The following SEMA3D variants were observed in gnomAD, a reference collection of about 807,000 sequenced individuals.
The protein encoded by SEMA3D is semaphorin 3D, also known as semaphorin-3D.
A neutral mutation model predicts 100.1 loss-of-function variants in SEMA3D; 84 were observed. That is an observed-to-expected ratio of 0.84 (90% confidence interval 0.70 to 1.01). The LOEUF (loss-of-function observed/expected upper bound fraction) is 1.01, where lower values mean the gene tolerates loss of function less well. Among genes scored for constraint, SEMA3D ranks in the 50% least tolerant of loss-of-function variants. SEMA3D has a pLI of 0.00. For synonymous variants in SEMA3D, 312 were observed against 320.7 expected (o/e 0.97, Z 0.29); for missense variants, 875 against 934.1 (o/e 0.94, Z 0.82).
At chr7:85,163,523 C>T (rs770819901) in intron 1 of SEMA3D, among the ~76,000 whole-genome samples, 4 of 151,916 alleles carry the variant, frequency 2.6e-5, no homozygotes, top group Non-Finnish European at 5.9e-5. Context: ...AATCAACTCT[C>T]CAACAGAAAG....
chr7:85,243,957 G>A, the SEMA3D span, among the ~76,000 whole-genome samples: 1 of 152,240 alleles, frequency 6.6e-6, no homozygotes, highest in Non-Finnish European at 1.5e-5. Context: ...GGTATGTTAT[G>A]GGGATGTGAT....
At chr7:85,140,366 C>T (rs1790011693) in intron 2 of SEMA3D, 1 of 975,496 alleles carries the variant, frequency 1.0e-6, no homozygotes, top group Non-Finnish European at 1.2e-6. Context: ...TACATCCAGC[C>T]AGTAGATGTT....
chr7:85,188,853 G>A (rs2116599769), upstream of SEMA3D, among the ~76,000 whole-genome samples: 1 of 152,188 alleles, frequency 6.6e-6, no homozygotes, highest in Middle Eastern at 3.4e-3. Flanking sequence ...TTTTCCCAAA[G>A]CACTTTGATT....
chr7:85,011,922 T>G (rs901922508), intron 17 of SEMA3D, among the ~76,000 whole-genome samples: 6 of 151,740 alleles, frequency 4.0e-5, no homozygotes, highest in Non-Finnish European at 8.8e-5. Flanking sequence ...ATAAATGTGT[T>G]CTTCTTCCAC....
At chr7:85,160,098 T>C in intron 1 of SEMA3D, 2 of 907,094 alleles carry the variant, frequency 2.2e-6, no homozygotes, top group South Asian at 1.0e-4. Context: ...CAATTCCACT[T>C]TGATAAAATT....
At chr7:85,203,450 A>G in the SEMA3D span, among the ~76,000 whole-genome samples, 1 of 152,178 alleles carries the variant, frequency 6.6e-6, no homozygotes, top group African/African-American at 2.4e-5. Flanking sequence ...ATGCAACCGA[A>G]CATTGTGCAG....
chr7:85,098,730 T>C (rs1157155321), intron 3 of SEMA3D, among the ~76,000 whole-genome samples: 3 of 151,892 alleles, frequency 2.0e-5, no homozygotes, highest in Non-Finnish European at 4.4e-5. Context: ...GTGTTGTATA[T>C]TTTATATATT....
intron 1 of SEMA3D, among the ~76,000 whole-genome samples, chr7:85,181,252 C>T (rs963431392): frequency 5.3e-5 from 8 of 151,780 alleles, no homozygotes; most frequent in African/African-American, 1.5e-4. Context: ...AGAAATGGCT[C>T]ATTCCAGGAC....
At chr7:85,249,025 T>G in the SEMA3D span, among the ~76,000 whole-genome samples, 1 of 152,160 alleles carries the variant, frequency 6.6e-6, no homozygotes, top group African/African-American at 2.4e-5. Flanking sequence ...TTGTAACAAA[T>G]GTACCACTCT....
chr7:85,111,106 G>A (rs188470052), intron 3 of SEMA3D, among the ~76,000 whole-genome samples: 1 of 151,986 alleles, frequency 6.6e-6, no homozygotes, highest in East Asian at 1.9e-4. Flanking sequence ...TTCCTTTTCA[G>A]TTCACTTTGC....
At chr7:85,222,564 G>A in the SEMA3D span, among the ~76,000 whole-genome samples, 14 of 152,064 alleles carry the variant, frequency 9.2e-5, no homozygotes, top group African/African-American at 3.1e-4. Flanking sequence ...AGTATGGCCA[G>A]AATTAATTGA....
At chr7:85,167,652 TA>T (rs990675471) in intron 1 of SEMA3D, among the ~76,000 whole-genome samples, 11 of 151,638 alleles carry the variant, frequency 7.3e-5, no homozygotes, top group African/African-American at 2.7e-4. Context: ...ATCCCCAGTT[TA>T]AAAAAAATAC....
At chr7:85,237,223 T>C in the SEMA3D span, among the ~76,000 whole-genome samples, 1 of 152,222 alleles carries the variant, frequency 6.6e-6, no homozygotes, top group Non-Finnish European at 1.5e-5. Flanking sequence ...CACCACAACC[T>C]TCCTCACTAT....
the SEMA3D span, among the ~76,000 whole-genome samples, chr7:85,243,131 C>T: frequency 1.3e-5 from 2 of 152,104 alleles, no homozygotes; most frequent in Non-Finnish European, 2.9e-5. Context: ...TTTCCTTTCT[C>T]CTAAGTAAGT....
the SEMA3D span, among the ~76,000 whole-genome samples, chr7:85,229,436 C>A: frequency 1.3e-5 from 2 of 151,862 alleles, no homozygotes; most frequent in Admixed American, 6.6e-5. Flanking sequence ...TCAATAAGAG[C>A]ATTTCATGAA....
the SEMA3D span, among the ~76,000 whole-genome samples, chr7:85,248,527 T>C: frequency 6.6e-5 from 10 of 152,184 alleles, no homozygotes; most frequent in Non-Finnish European, 1.3e-4. Context: ...TGCACATAGA[T>C]GTTTATAACA....
intron 9 of SEMA3D, among the ~76,000 whole-genome samples, 182 bp from the exon 10 acceptor site, chr7:85,042,467 T>C (rs1418118560): frequency 1.3e-5 from 2 of 152,110 alleles, no homozygotes; most frequent in East Asian, 3.9e-4. Flanking sequence ...CAATATTAAA[T>C]GTTTTTCTCA....
intron 2 of SEMA3D, among the ~76,000 whole-genome samples, chr7:85,144,930 G>A (rs1790160174): frequency 6.6e-6 from 1 of 152,144 alleles, no homozygotes; most frequent in South Asian, 2.1e-4. Context: ...AAATCCTGGA[G>A]CAGCTGGATG....
chr7:85,003,133 A>C (rs1789698787), intron 18 of SEMA3D, among the ~76,000 whole-genome samples: 1 of 152,158 alleles, frequency 6.6e-6, no homozygotes, highest in Admixed American at 6.5e-5. Flanking sequence ...TAGACTGAAA[A>C]GTTTTCTTAT....
Sources: allele counts gnomAD v4.1 joint callset (sites outside exome capture counted in the v4.1 genomes callset), GRCh38; gene constraint gnomAD v4.1.1; transcripts MANE v1.5; gene names NCBI Gene and HGNC (gene_info 2026-07-23, HGNC 2026-07-21).